The following TNRC6A variants were observed in gnomAD, a reference collection of about 807,000 sequenced individuals.
TNRC6A encodes trinucleotide repeat containing adaptor 6A.
A neutral mutation model predicts 221.2 loss-of-function variants in TNRC6A; 44 were observed. The observed-to-expected ratio is 0.20, with a 90% CI of 0.16 to 0.26. The LOEUF (loss-of-function observed/expected upper bound fraction) is 0.26, where lower values mean the gene tolerates loss of function less well. TNRC6A is among the 10% of genes least tolerant of loss of function. The pLI is 1.00. For missense variants in TNRC6A, 2,199 were observed against 2,404.4 expected (o/e 0.91, Z 1.79); for synonymous variants, 847 against 838.5 (o/e 1.01, Z -0.18).
intron 2 of TNRC6A, among the ~76,000 whole-genome samples, chr16:24,648,273 A>ATTTTTTTTTTTTTT (rs1902398993): frequency 7.7e-5 from 4 of 51,740 alleles, no homozygotes; most frequent in South Asian, 7.2e-4. Context: ...TTCCACAGCA[A>ATTTTTTTTTTTTTT]CTTTTTTTTT....
chr16:24,621,315 A>G (rs886926171), intron 1 of TNRC6A, among the ~76,000 whole-genome samples: 9 of 148,432 alleles, frequency 6.1e-5, no homozygotes, highest in Non-Finnish European at 1.3e-4. Flanking sequence ...TTAACAATGT[A>G]TAGTCAAAAT....
intron 2 of TNRC6A, among the ~76,000 whole-genome samples, chr16:24,680,752 C>T (rs977029862): frequency 6.6e-6 from 1 of 150,520 alleles, no homozygotes; most frequent in African/African-American, 2.4e-5. Flanking sequence ...TATTAGGAAG[C>T]GTTTTTTTGT....
At chr16:24,767,841 G>C (rs1351979497) in intron 4 of TNRC6A, among the ~76,000 whole-genome samples, 1 of 152,140 alleles carries the variant, frequency 6.6e-6, no homozygotes, top group African/African-American at 2.4e-5. Context: ...ACTTCTACTT[G>C]AATGTTCAGG....
At chr16:24,635,937 T>A (rs1405609440) in intron 1 of TNRC6A, among the ~76,000 whole-genome samples, 2 of 152,250 alleles carry the variant, frequency 1.3e-5, no homozygotes, top group African/African-American at 2.4e-5. Flanking sequence ...TTAAGGATGA[T>A]GCCGTTGATC....
chr16:24,715,605 C>CTTTTTTTTTTTTTTTTTTT, intron 2 of TNRC6A, among the ~76,000 whole-genome samples: 1 of 127,224 alleles, frequency 7.9e-6, no homozygotes. Flanking sequence ...TGAGTAGTTT[C>CTTTTTTTTTTTTTTTTTTT]TTTTTTTTTT....
chr16:24,773,525 T>C (rs2057656323), intron 4 of TNRC6A, among the ~76,000 whole-genome samples: 1 of 152,188 alleles, frequency 6.6e-6, no homozygotes, highest in South Asian at 2.1e-4. Context: ...ATGGCATGCA[T>C]GTGTGTGTGT....
chr16:24,768,245 C>T (rs1483123390), intron 4 of TNRC6A, among the ~76,000 whole-genome samples: 1 of 151,980 alleles, frequency 6.6e-6, no homozygotes, highest in East Asian at 1.9e-4. Context: ...TCCTGGCTAA[C>T]ACGGTGAAAC....
chr16:24,730,184 G>T, intron 1 of TNRC6A, 69 bp from the exon 2 acceptor site: 1 of 1,341,306 alleles, frequency 7.5e-7, no homozygotes, highest in Non-Finnish European at 9.7e-7. Context: ...CAGCAGCTCC[G>T]TTTTCACGCG....
intron 5 of TNRC6A, among the ~76,000 whole-genome samples, chr16:24,782,253 C>T (rs903332917): frequency 6.6e-6 from 1 of 152,212 alleles, no homozygotes; most frequent in Non-Finnish European, 1.5e-5. Context: ...CTTTTATATC[C>T]ATCTCCCTAC....
intron 20 of TNRC6A, among the ~76,000 whole-genome samples, chr16:24,817,700 A>G (rs1056691867): frequency 7.2e-5 from 11 of 152,196 alleles, no homozygotes; most frequent in Non-Finnish European, 1.3e-4. Context: ...AATACCATCT[A>G]TACCTTTAAA....
At chr16:24,700,590 ACTCTT>A (rs2055952939) in intron 2 of TNRC6A, among the ~76,000 whole-genome samples, 2 of 151,622 alleles carry the variant, frequency 1.3e-5, no homozygotes, top group Admixed American at 1.3e-4. Flanking sequence ...GTTCCCTCAC[ACTCTT>A]CTCTTTCTCT....
upstream of TNRC6A, among the ~76,000 whole-genome samples, chr16:24,726,785 G>C (rs2056500081): frequency 2.0e-5 from 3 of 152,156 alleles, no homozygotes; most frequent in Admixed American, 6.5e-5. Context: ...ATTCAGTAGA[G>C]AGAATGATTA....
intron 2 of TNRC6A, among the ~76,000 whole-genome samples, chr16:24,713,452 A>C (rs2056249204): frequency 7.4e-6 from 1 of 135,820 alleles, no homozygotes; most frequent in South Asian, 2.4e-4. Flanking sequence ...AAACAAACAA[A>C]AAAATATATA....
chr16:24,825,196 C>T lies in TNRC6A; in HGVS notation c.*1389C>T, dbSNP rs1469729596. Reference sequence around the variant, plus strand: ...ACACCATTTTAAACTTTCTTTCCTCCCCCCTTTTTTTGCCCACAAATGGTA... The same window carrying T: ...ACACCATTTTAAACTTTCTTTCCTCTCCCCTTTTTTTGCCCACAAATGGTA... On this transcript the variant is annotated 3_prime_UTR_variant, in exon 25 of 25. Coordinates refer to ENST00000395799, the MANE Select transcript of TNRC6A (RefSeq NM_014494.4). 1 of 152,478 alleles carries T rather than the reference C, an allele frequency of 6.6e-6. No individual in the cohort carries two copies. Among genetic ancestry groups the T allele is most frequent in the Non-Finnish European group, 1.5e-5 (1 of 68,014 alleles). 9.4% of individuals were successfully genotyped at this position (152,478 alleles called of 1,614,324 possible).
chr16:24,727,235 G>T (rs1399640990), upstream of TNRC6A, among the ~76,000 whole-genome samples: 1 of 151,984 alleles, frequency 6.6e-6, no homozygotes, highest in East Asian at 1.9e-4. Context: ...CCTCATGCTG[G>T]CCAGGCTGGT....
intron 1 of TNRC6A, among the ~76,000 whole-genome samples, chr16:24,628,681 T>C (rs1342984175): frequency 2.6e-5 from 4 of 152,324 alleles, no homozygotes; most frequent in African/African-American, 9.6e-5. Flanking sequence ...ACATATAATA[T>C]ACAAAATACG....
At chr16:24,780,107 A>G (rs2057808709) in intron 5 of TNRC6A, among the ~76,000 whole-genome samples, 1 of 152,186 alleles carries the variant, frequency 6.6e-6, no homozygotes, top group Non-Finnish European at 1.5e-5. Flanking sequence ...CAGGAGCAAT[A>G]TTGTTCTTAT....
chr16:24,759,837 C>T (rs1305648127), intron 4 of TNRC6A, among the ~76,000 whole-genome samples: 2 of 152,044 alleles, frequency 1.3e-5, no homozygotes, highest in East Asian at 1.9e-4. Context: ...GAGTTGAAGG[C>T]GCATTTGTGG....
In TNRC6A at chr16:24,790,453, C is replaced by G; in HGVS notation, c.1811C>G (p.Pro604Arg). 6.2e-7 allele frequency: 1 copy of G among 1,614,162 alleles called. No homozygotes were observed. Among genetic ancestry groups the G allele is most frequent in the African/African-American group, 1.3e-5 (1 of 75,016 alleles). The stretch of plus-strand genomic sequence containing the variant: ...GGAAGTCGAAGAGGATGGGGAACCC[C>G]TGCACAAAACACTGGCACTAATTTA... ...SGGSRRGWGT[P>R]AQNTGTNLPS... Residue 604 changes from proline to arginine, a missense_variant, in exon 6 of 25, where the codon CCT becomes CGT. This residue lies in a region of TNRC6A where 1,405 missense variants were observed against 1,400.2 expected (regional missense o/e 1.00). Coordinates refer to ENST00000395799, the MANE Select transcript of TNRC6A (RefSeq NM_014494.4).
Sources: allele counts gnomAD v4.1 joint callset (sites outside exome capture counted in the v4.1 genomes callset), GRCh38; gene constraint gnomAD v4.1.1; regional missense constraint gnomAD v4.1.1; transcripts MANE v1.5; gene names NCBI Gene and HGNC (gene_info 2026-07-23, HGNC 2026-07-21).